The following ROR2 variants were observed in gnomAD, a reference collection of about 807,000 sequenced individuals.
The protein encoded by ROR2 is tyrosine-protein kinase transmembrane receptor ROR2.
A neutral mutation model predicts 74.9 loss-of-function variants in ROR2; 33 were observed. The observed-to-expected ratio is 0.44, with a 90% CI of 0.33 to 0.59. ROR2 has a LOEUF of 0.59. Among genes scored for constraint, ROR2 ranks in the 20% least tolerant of loss-of-function variants. The pLI is 0.02. For synonymous variants in ROR2, 586 were observed against 558.7 expected (o/e 1.05, Z -0.69); for missense variants, 1,216 against 1,313.8 (o/e 0.93, Z 1.15).
intron 1 of ROR2, among the ~76,000 whole-genome samples, chr9:91,787,625 A>G (rs1826843623): frequency 6.6e-6 from 1 of 152,248 alleles, no homozygotes; most frequent in African/African-American, 2.4e-5. Flanking sequence ...GAAAGCTGCT[A>G]AACTAACAGT....
intron 1 of ROR2, among the ~76,000 whole-genome samples, chr9:91,832,998 C>T (rs1283911682): frequency 1.3e-5 from 2 of 152,138 alleles, no homozygotes; most frequent in African/African-American, 4.8e-5. Context: ...AGGAGCCCAC[C>T]AGCAAGTCAG....
In ROR2 at chr9:91,930,391, G is replaced by A. The variant is rs977942625; in HGVS notation, c.97+19476C>T. ...GGAAAAGTTTAAGTCTCAGCCAGTC[G>A]GGATCAGCTTAGACTGTGTGGTCCG... On this transcript the variant is annotated intron_variant, in intron 1 of 8. Coordinates refer to ENST00000375708, the MANE Select transcript of ROR2 (RefSeq NM_004560.4). Among the ~76,000 whole-genome samples the A allele has an allele frequency of 2.6e-5, 4 of 152,178 alleles. No individual in the cohort carries two copies. The East Asian group carries it at 5.8e-4, about 22-fold the overall frequency.
intron 1 of ROR2, among the ~76,000 whole-genome samples, chr9:91,934,330 G>C (rs938525011): frequency 1.3e-5 from 2 of 151,596 alleles, no homozygotes; most frequent in African/African-American, 4.8e-5. Context: ...CCAGCACCAG[G>C]AGGGGCCACT....
intron 1 of ROR2, among the ~76,000 whole-genome samples, chr9:91,881,986 G>C (rs574153115): frequency 2.6e-5 from 4 of 152,298 alleles, no homozygotes; most frequent in South Asian, 4.1e-4. Flanking sequence ...TGGAGTGTAG[G>C]GTTCCACACA....
At chr9:91,867,508 C>T (rs1289517895) in intron 1 of ROR2, among the ~76,000 whole-genome samples, 1 of 152,064 alleles carries the variant, frequency 6.6e-6, no homozygotes, top group Non-Finnish European at 1.5e-5. Context: ...TGCAGCCAAA[C>T]AAGGGAACTA....
intron 1 of ROR2, among the ~76,000 whole-genome samples, chr9:91,935,085 A>G: frequency 6.6e-6 from 1 of 152,192 alleles, no homozygotes; most frequent in East Asian, 1.9e-4. Flanking sequence ...ACTAGGATCC[A>G]TCTGTGAAAA....
chr9:91,909,317 A>C (rs1830894174), intron 1 of ROR2, among the ~76,000 whole-genome samples: 2 of 151,910 alleles, frequency 1.3e-5, no homozygotes. Context: ...CTGATTGGAA[A>C]ACCAGGAATG....
At chr9:91,948,906 G>T (rs1832088061) in intron 1 of ROR2, 1 of 985,072 alleles carries the variant, frequency 1.0e-6, no homozygotes, top group Non-Finnish European at 1.2e-6. Context: ...AGGTGCTCCC[G>T]GAGTCTGCAC....
chr9:91,744,272 C>T (rs1408772951), intron 4 of ROR2, among the ~76,000 whole-genome samples: 1 of 144,440 alleles, frequency 6.9e-6, no homozygotes, highest in East Asian at 2.0e-4. Flanking sequence ...CTCGCCCAGG[C>T]TGGAGTGCAG....
At position 91,833,540 on chromosome 9, in the gene ROR2, G is replaced by A. The variant is rs143136602; in HGVS notation, c.98-57722C>T. Among the ~76,000 whole-genome samples the A allele has an allele frequency of 3.2e-3, 492 of 152,144 alleles. 2 individuals carry two copies. Among genetic ancestry groups the A allele is most frequent in the African/African-American group, 0.011 (473 of 41,504 alleles). ...ACCAGCACCGCCACACGCCAGAGCC[G>A]TGCCCCCCAGGCCCCTGGAGTAGCT... On this transcript the variant is annotated intron_variant, in intron 1 of 8. Coordinates refer to ENST00000375708, the MANE Select transcript of ROR2 (RefSeq NM_004560.4).
intron 1 of ROR2, among the ~76,000 whole-genome samples, chr9:91,823,918 A>T (rs2312733): frequency 1.3e-5 from 2 of 152,020 alleles, no homozygotes; most frequent in Non-Finnish European, 2.9e-5. Context: ...CGGATTCACC[A>T]GCGGTTCCTC....
chr9:91,911,945 A>AG (rs1030357585), intron 1 of ROR2, among the ~76,000 whole-genome samples: 1 of 151,620 alleles, frequency 6.6e-6, no homozygotes, highest in African/African-American at 2.4e-5. Flanking sequence ...AAAAAAAAAA[A>AG]AAAAAAAAAC....
chr9:91,738,004 G>A (rs1177446659), intron 4 of ROR2, among the ~76,000 whole-genome samples: 1 of 152,164 alleles, frequency 6.6e-6, no homozygotes, highest in African/African-American at 2.4e-5. Flanking sequence ...TATGAGGGAG[G>A]GAGGGATGGA....
At position 91,724,961 on chromosome 9, in the gene ROR2, G is replaced by C. The variant is rs1241003695; in HGVS notation, c.1533C>G (p.Asp511Glu). The C allele has an allele frequency of 1.2e-6, 2 of 1,613,660 alleles. No homozygotes were observed. Among genetic ancestry groups the C allele is most frequent in the Middle Eastern group, 1.7e-4 (1 of 6,060 alleles). The stretch of plus-strand genomic sequence containing the variant: ...CCTCCCGCAGGGGCCCCTCCGCTTT[G>C]TCCTTCAGCGTTTTGATGGCCACAG... ...TQAVAIKTLK[D>E]KAEGPLREEF... The change falls in exon 9 of 9, where the codon GAC becomes GAG. Residue 511 changes from aspartate to glutamate, a missense_variant. Coordinates refer to ENST00000375708, the MANE Select transcript of ROR2 (RefSeq NM_004560.4).
chr9:91,863,348 C>T (rs1431899236), intron 1 of ROR2, among the ~76,000 whole-genome samples: 4 of 152,116 alleles, frequency 2.6e-5, no homozygotes, highest in Non-Finnish European at 5.9e-5. Context: ...CTGCCTATTC[C>T]ACTCATAGGT....
chr9:91,796,348 G>A (rs1185459040), intron 1 of ROR2, among the ~76,000 whole-genome samples: 1 of 150,170 alleles, frequency 6.7e-6, no homozygotes, highest in African/African-American at 2.5e-5. Context: ...TGGGAGGACT[G>A]CTTGAGTCTG....
chr9:91,732,303 T>C (rs1837270587), intron 6 of ROR2, among the ~76,000 whole-genome samples: 1 of 152,226 alleles, frequency 6.6e-6, no homozygotes, highest in Non-Finnish European at 1.5e-5. Flanking sequence ...TCTGCCATCC[T>C]GACTGGCCAT....
chr9:91,826,779 G>A (rs538423361), intron 1 of ROR2, among the ~76,000 whole-genome samples: 41 of 137,530 alleles, frequency 3.0e-4, no homozygotes, highest in South Asian at 9.3e-4. Context: ...GAGAGACTCC[G>A]TCTCAAAAAA....
chr9:91,766,216 T>C (rs1826053715), intron 2 of ROR2, among the ~76,000 whole-genome samples: 1 of 152,246 alleles, frequency 6.6e-6, no homozygotes, highest in African/African-American at 2.4e-5. Flanking sequence ...GAGCTCATGT[T>C]ACAACTCCAT....
Sources: allele counts gnomAD v4.1 joint callset (sites outside exome capture counted in the v4.1 genomes callset), GRCh38; gene constraint gnomAD v4.1.1; transcripts MANE v1.5; gene names NCBI Gene and HGNC (gene_info 2026-07-23, HGNC 2026-07-21).